IQCE: variants seen among roughly 807,000 people sequenced by gnomAD.
IQCE encodes the protein IQ domain-containing protein E.
Under a neutral mutation model 96.0 loss-of-function variants are expected in IQCE, and 115 were observed. The ratio of observed to expected loss-of-function variants is 1.20; its 90% confidence interval spans 1.03 to 1.40. IQCE has a LOEUF of 1.40. Ranked by LOEUF, IQCE falls within the 40% of genes most tolerant of loss-of-function variation. IQCE has a pLI of 0.00. For missense variants in IQCE, 1,041 were observed against 909.1 expected, an observed-to-expected ratio of 1.15 and a Z score of -1.87; for synonymous variants, 412 against 371.2, an observed-to-expected ratio of 1.11 and a Z score of -1.26.
At chr7:2,587,905 G>A (rs1403427371) in intron 13 of IQCE, 28 bp downstream of exon 13, 5 of 1,607,086 alleles carry the variant, frequency 3.1e-6, no homozygotes, top group East Asian at 2.2e-5. Context: ...TGCCACTGTC[G>A]TTGGGGACCA....
At chr7:2,587,957 G>A (rs1783255934) in intron 13 of IQCE, 80 bp downstream of exon 13, 1 of 1,324,586 alleles carries the variant, frequency 7.5e-7, no homozygotes, top group African/African-American at 1.4e-5. Context: ...GGTGCGGAAG[G>A]TGGCGCTGAG....
At chr7:2,608,124 G>A (rs767783235) in intron 21 of IQCE, among the ~76,000 whole-genome samples, 1 of 152,242 alleles carries the variant, frequency 6.6e-6, no homozygotes, top group Non-Finnish European at 1.5e-5. Flanking sequence ...GGTGAGGCCT[G>A]CCCAGGACCC....
intron 15 of IQCE, among the ~76,000 whole-genome samples, chr7:2,593,344 C>T (rs997572341): frequency 6.6e-5 from 10 of 152,272 alleles, no homozygotes; most frequent in African/African-American, 1.9e-4. Flanking sequence ...CTCTCAGGGG[C>T]GTCCTCTGCT....
In IQCE at chr7:2,610,268, T is replaced by G; in HGVS notation, c.*106T>G. The G allele has an allele frequency of 1.3e-6, 1 of 744,634 alleles. No individual in the cohort carries two copies. Among genetic ancestry groups the G allele is most frequent in the Non-Finnish European group, 2.4e-6 (1 of 411,136 alleles). The allele number at this position is 744,634 out of a possible 1,614,324, so 46.1% of individuals were successfully genotyped here. ...TTAGGAGAAGAACGATGATACCTAC[T>G]TAACACCTCAGCATCTGCGTCGTGT... On this transcript the variant is annotated 3_prime_UTR_variant, in exon 22 of 22. Transcript: ENST00000402050.
intron 16 of IQCE, among the ~76,000 whole-genome samples, chr7:2,597,786 C>G (rs1583492564): frequency 1.3e-5 from 2 of 152,204 alleles, no homozygotes; most frequent in African/African-American, 4.8e-5. Context: ...CCTGCCTCAG[C>G]CTCCCGAGTA....
chr7:2,566,887 C>T (rs141249313), intron 1 of IQCE, among the ~76,000 whole-genome samples: 14 of 152,366 alleles, frequency 9.2e-5, no homozygotes, highest in Non-Finnish European at 2.1e-4. Context: ...GACATTTGCA[C>T]GCCTGCTGGG....
At chr7:2,572,142 ATTGTGTGTGCTTGTATC>A in intron 4 of IQCE, 33 bp from the exon 5 acceptor site, 2 of 1,560,000 alleles carry the variant, frequency 1.3e-6, no homozygotes, top group Non-Finnish European at 1.7e-6. Context: ...AAAACCTCCC[ATTGTGTGTGCTTGTATC>A]TGTCATATTA....
chr7:2,591,284 T>A (rs1216725498), intron 14 of IQCE, among the ~76,000 whole-genome samples: 1 of 151,248 alleles, frequency 6.6e-6, no homozygotes, highest in Non-Finnish European at 1.5e-5. Flanking sequence ...ATAAATGCTA[T>A]GAAATAGTTG....
chr7:2,612,400 G>A lies in IQCE; in HGVS notation c.*2238G>A, dbSNP rs1423676000. On this transcript the variant is annotated 3_prime_UTR_variant, in exon 22 of 22. Coordinates refer to ENST00000402050, the MANE Select transcript of IQCE (RefSeq NM_152558.5). ...TGTTCTGTGGTCCTGGAACGCTGCA[G>A]TGTGGTTTTGTTCCATGGAGACAGT... The A allele has an allele frequency of 6.6e-6, 1 of 152,404 alleles. No individual in the cohort carries two copies. The highest frequency in any genetic ancestry group is 1.5e-5 in the Non-Finnish European group (1 of 68,168). The allele number at this position is 152,404 out of a possible 1,614,324, so 9.4% of individuals were successfully genotyped here.
chr7:2,582,497 C>T, intron 8 of IQCE, 83 bp from the exon 9 acceptor site: 4 of 1,098,902 alleles, frequency 3.6e-6, no homozygotes, highest in Admixed American at 1.9e-5. Flanking sequence ...GTGAGGTGTG[C>T]CGGTGCTCTG....
intron 10 of IQCE, among the ~76,000 whole-genome samples, 177 bp downstream of exon 10, chr7:2,583,886 G>A (rs1308755775): frequency 8.8e-5 from 5 of 56,758 alleles, no homozygotes; most frequent in Admixed American, 1.7e-4. Context: ...CGGGGCGGAG[G>A]GCGGGCACCG....
At chr7:2,573,669 G>A (rs115189009) in intron 6 of IQCE, among the ~76,000 whole-genome samples, 181 bp downstream of exon 6, 1,649 of 152,250 alleles carry the variant, frequency 0.011, 20 homozygotes, top group African/African-American at 0.036. Context: ...GTTAAAGGCC[G>A]TAGCACCAGC....
At chr7:2,599,153 C>T (rs1784268481) in intron 17 of IQCE, among the ~76,000 whole-genome samples, 1 of 152,168 alleles carries the variant, frequency 6.6e-6, no homozygotes, top group African/African-American at 2.4e-5. Flanking sequence ...CACAGCAGCC[C>T]CCACCCTTTC....
rs1236155936 is a variant in IQCE at position 2,610,531 on chromosome 7, C to T, written c.*369C>T. 2 of 205,414 alleles carry T rather than the reference C, an allele frequency of 9.7e-6. No individual in the cohort carries two copies. Among genetic ancestry groups the T allele is most frequent in the Non-Finnish European group, 2.0e-5 (2 of 100,630 alleles). The allele number at this position is 205,414 out of a possible 1,614,324, so 12.7% of individuals were successfully genotyped here. A position where few individuals can be genotyped will look rare whatever the true frequency, so the allele number is the denominator to read the frequency against. Reference sequence around the variant, plus strand: ...ACCGTGAGGAGCTGCTATCCGCAACCAGCGCCGACACCATGCCCCCTCTTC... The same window carrying T: ...ACCGTGAGGAGCTGCTATCCGCAACTAGCGCCGACACCATGCCCCCTCTTC... On this transcript the variant is annotated 3_prime_UTR_variant, in exon 22 of 22. Transcript: ENST00000402050.
chr7:2,601,320 C>G, intron 17 of IQCE, 121 bp from the exon 18 acceptor site: 5 of 705,988 alleles, frequency 7.1e-6, no homozygotes, highest in Non-Finnish European at 1.0e-5. Flanking sequence ...GAGGGAGGAG[C>G]CAGGGCAGCC....
chr7:2,595,395 G>A (rs1002922914), intron 16 of IQCE, among the ~76,000 whole-genome samples: 1 of 152,110 alleles, frequency 6.6e-6, no homozygotes, highest in African/African-American at 2.4e-5. Context: ...AAGCCTCAGC[G>A]GGCACTGCCC....
rs1781433656 is a variant in IQCE, at chr7:2,567,119, G to C, written c.40G>C (p.Asp14His). The C allele has an allele frequency of 6.2e-7, 1 of 1,613,732 alleles. No homozygotes were observed. The highest frequency in any genetic ancestry group is 1.3e-5 in the African/African-American group (1 of 74,944). The change falls in exon 2 of 22, where the codon GAT becomes CAT. Residue 14 changes from aspartate (D) to histidine (H), a missense_variant. Coordinates refer to ENST00000402050, the MANE Select transcript of IQCE (RefSeq NM_152558.5). Reference sequence around the variant, plus strand: ...GTGTTTGCCTCTCTTCCTCCAGGGAGATGACAGTCTGTCTGCAGTCACCTT... The same window carrying C: ...GTGTTTGCCTCTCTTCCTCCAGGGACATGACAGTCTGTCTGCAGTCACCTT... ...GTGEPALDTG[D>H]DSLSAVTFDS... is the part of the protein sequence containing the mutation.
At chr7:2,565,789 GATATAAAAAAT>G (rs1781327740) in intron 1 of IQCE, among the ~76,000 whole-genome samples, 1 of 152,122 alleles carries the variant, frequency 6.6e-6, no homozygotes, top group Non-Finnish European at 1.5e-5. Flanking sequence ...TTAAATAGGT[GATATAAAAAAT>G]GATATAAAAA....
chr7:2,562,313 C>A (rs1331187902), intron 1 of IQCE, among the ~76,000 whole-genome samples: 1 of 130,372 alleles, frequency 7.7e-6, no homozygotes, highest in African/African-American at 3.3e-5. Flanking sequence ...AAATCCTTTT[C>A]ATGCCTACTA....
Sources: allele counts gnomAD v4.1 joint callset (sites outside exome capture counted in the v4.1 genomes callset), GRCh38; gene constraint gnomAD v4.1.1; transcripts MANE v1.5; gene names NCBI Gene and HGNC (gene_info 2026-07-23, HGNC 2026-07-21).